CD109: variants seen among roughly 807,000 people sequenced by gnomAD.
CD109 encodes CD109 antigen.
CD109 carries 149 observed loss-of-function variants against 165.8 expected under a neutral mutation model. That is an observed-to-expected ratio of 0.90 (90% confidence interval 0.79 to 1.03). CD109 has a LOEUF of 1.03. Ranked by LOEUF, CD109 falls within the 50% of genes least tolerant of loss-of-function variation. The pLI is 0.00. For missense variants in CD109, 1,712 were observed against 1,677.8 expected, an observed-to-expected ratio of 1.02 and a Z score of -0.36; for synonymous variants, 585 against 592.1, an observed-to-expected ratio of 0.99 and a Z score of 0.18.
At chr6:73,778,302 A>T (rs949420597) in intron 15 of CD109, among the ~76,000 whole-genome samples, 1 of 152,142 alleles carries the variant, frequency 6.6e-6, no homozygotes, top group Admixed American at 6.6e-5. Context: ...GGCTGAGACT[A>T]TGGGGTTTTC....
At chr6:73,710,508 C>T (rs1284433344) in intron 2 of CD109, among the ~76,000 whole-genome samples, 2 of 152,056 alleles carry the variant, frequency 1.3e-5, no homozygotes, top group Non-Finnish European at 2.9e-5. Context: ...TTGAAAATGG[C>T]CATACTGCCC....
intron 6 of CD109, among the ~76,000 whole-genome samples, chr6:73,757,722 T>G (rs1176896551): frequency 1.3e-5 from 2 of 152,258 alleles, no homozygotes; most frequent in African/African-American, 2.4e-5. Context: ...TTTTTAAATT[T>G]TTATTATTTG....
chr6:73,712,101 T>TA (rs1288999473), intron 2 of CD109, among the ~76,000 whole-genome samples: 4 of 152,120 alleles, frequency 2.6e-5, no homozygotes, highest in South Asian at 2.1e-4. Context: ...TCCCAGCTAC[T>TA]GGGGGGCTGA....
At chr6:73,778,946 A>G (rs1288298982) in intron 15 of CD109, among the ~76,000 whole-genome samples, 5 of 152,060 alleles carry the variant, frequency 3.3e-5, no homozygotes, top group Non-Finnish European at 7.4e-5. Flanking sequence ...AAAATTTGCT[A>G]TTTTTACCAT....
Position 73,782,670 on chromosome 6 carries a change from G to C in CD109, c.2020G>C (p.Asp674His), listed in dbSNP as rs964331240. ...FMEENEGHIV[D>H]IHDFSLGSSP... Reference sequence around the variant, plus strand: ...GGAGGAAAATGAAGGACATATTGTAGATATTCATGACTTTTCTTTGGGTAG... The same window carrying C: ...GGAGGAAAATGAAGGACATATTGTACATATTCATGACTTTTCTTTGGGTAG... Residue 674 changes from aspartate to histidine, a missense_variant, in exon 18 of 33, where the codon GAT (aspartate) becomes CAT (histidine). By Grantham distance (81) the Asp-to-His change is moderately conservative (BLOSUM62 -1). Coordinates refer to ENST00000287097, the MANE Select transcript of CD109 (RefSeq NM_133493.5). 3 of 1,613,722 alleles carry C rather than the reference G, an allele frequency of 1.9e-6. No individual in the cohort carries two copies. Among genetic ancestry groups the C allele is most frequent in the Admixed American group, 3.3e-5 (2 of 59,992 alleles).
At chr6:73,711,360 G>A (rs989541236) in intron 2 of CD109, among the ~76,000 whole-genome samples, 2 of 152,008 alleles carry the variant, frequency 1.3e-5, no homozygotes, top group African/African-American at 4.8e-5. Context: ...GGAAATAAGA[G>A]AGAAAAATAT....
At chr6:73,780,859 T>C (rs1774462356) in intron 16 of CD109, among the ~76,000 whole-genome samples, 1 of 148,222 alleles carries the variant, frequency 6.7e-6, no homozygotes, top group African/African-American at 2.5e-5. Flanking sequence ...ATATATTTTA[T>C]ATATATTTCC....
intron 14 of CD109, among the ~76,000 whole-genome samples, chr6:73,771,038 G>A (rs56201021): frequency 0.11 from 16,587 of 152,102 alleles, 1,168 homozygotes; most frequent in Non-Finnish European, 0.16. Flanking sequence ...CTGAGCTCAC[G>A]TCACCAACAT....
At position 73,765,824 on chromosome 6, in the gene CD109, C is replaced by T. The variant is rs1311144719; in HGVS notation, c.1108-106C>T. On this transcript the variant is annotated intron_variant, in intron 10 of 32. Transcript: ENST00000287097. ...CTGAATCTGGATATTATAGTGCTAC[C>T]AATAATTTTTGAGAGTTCAATTTCA... 10 of 774,464 alleles carry T rather than the reference C, an allele frequency of 1.3e-5. No individual in the cohort carries two copies. In the South Asian group the frequency reaches 1.3e-4, roughly 10 times the overall value. 48.0% of individuals were successfully genotyped at this position (774,464 alleles called of 1,614,324 possible).
In CD109 at chr6:73,821,427, T is replaced by G. The variant is rs373390183; in HGVS notation, c.4162+864T>G. On this transcript the variant is annotated intron_variant, in intron 32 of 32. Coordinates refer to ENST00000287097, the MANE Select transcript of CD109 (RefSeq NM_133493.5). Reference sequence around the variant, plus strand: ...CAAAAAGCCACCTGCACTCATATGTTTATCACAGCACTAATTCACAATAGC... The same window carrying G: ...CAAAAAGCCACCTGCACTCATATGTGTATCACAGCACTAATTCACAATAGC... Among the ~76,000 whole-genome samples the G allele has an allele frequency of 3.8e-4, 58 of 152,300 alleles. 2 individuals are homozygous for G. The South Asian group carries it at 5.0e-3, about 13-fold the overall frequency.
chr6:73,744,944 C>T (rs1370287713), intron 5 of CD109, among the ~76,000 whole-genome samples: 1 of 152,160 alleles, frequency 6.6e-6, no homozygotes, highest in Non-Finnish European at 1.5e-5. Context: ...CGCCTAGATC[C>T]ATCTCCCCAC....
chr6:73,780,925 A>G (rs1774465673), intron 16 of CD109, among the ~76,000 whole-genome samples: 1 of 149,154 alleles, frequency 6.7e-6, no homozygotes, highest in Non-Finnish European at 1.5e-5. Context: ...TGTGTGTGTA[A>G]GACTGATGTG....
chr6:73,778,551 T>C (rs926953583), intron 15 of CD109, among the ~76,000 whole-genome samples: 4 of 152,222 alleles, frequency 2.6e-5, no homozygotes, highest in Non-Finnish European at 5.9e-5. Context: ...AATCTTCATG[T>C]ATTTGTATTT....
rs778584391 is a variant in CD109 at position 73,785,422 on chromosome 6, G to A, written c.2282G>A (p.Gly761Asp). The change falls in exon 20 of 33, where the codon GGT becomes GAT. Residue 761 changes from glycine to aspartate, a missense_variant. Transcript: ENST00000287097. The part of the protein sequence containing the change: ...FLNLPYSVIR[G>D]EEFALEITIF... ...AATCTTCCCTACTCTGTTATCAGAG[G>A]TGAAGAATTTGCTTTGGAAATAACT... is the stretch of plus-strand genomic sequence containing the variant. 4 of 1,608,510 alleles carry A rather than the reference G, an allele frequency of 2.5e-6. No individual in the cohort carries two copies. The highest frequency in any genetic ancestry group is 3.4e-6 in the Non-Finnish European group (4 of 1,177,554).
chr6:73,794,660 C>G (rs1186468014), intron 23 of CD109, among the ~76,000 whole-genome samples: 1 of 152,060 alleles, frequency 6.6e-6, no homozygotes, highest in Non-Finnish European at 1.5e-5. Flanking sequence ...CAAGGGAGAC[C>G]AGCGTTTAGA....
intron 4 of CD109, among the ~76,000 whole-genome samples, chr6:73,732,687 G>C (rs1772408487): frequency 6.6e-6 from 1 of 152,336 alleles, no homozygotes; most frequent in Non-Finnish European, 1.5e-5. Flanking sequence ...TAAATTGCCT[G>C]TTCTAGACAT....
chr6:73,814,138 T>G (rs552430539), intron 29 of CD109, among the ~76,000 whole-genome samples: 9 of 151,964 alleles, frequency 5.9e-5, no homozygotes, highest in Non-Finnish European at 7.4e-5. Flanking sequence ...CCATGAGGGG[T>G]ATTAGATGTT....
chr6:73,758,831 AT>A, intron 6 of CD109, 112 bp from the exon 7 acceptor site: 1 of 678,602 alleles, frequency 1.5e-6, no homozygotes, highest in Non-Finnish European at 2.6e-6. Flanking sequence ...CAACAATTTT[AT>A]TTTTCATTTT....
Position 73,785,746 on chromosome 6 carries a change from T to C in CD109, c.2337+269T>C, listed in dbSNP as rs1774663490. 2.6e-5 allele frequency among the ~76,000 whole-genome samples: 4 copies of C among 152,176 alleles called. No homozygotes were observed. The South Asian group carries it at 8.3e-4, about 32-fold the overall frequency. On this transcript the variant is annotated intron_variant, in intron 20 of 32. Coordinates refer to ENST00000287097, the MANE Select transcript of CD109 (RefSeq NM_133493.5). ...TAAGTTCCTTATTGTCTCTGAAGCA[T>C]GCCTTTCTCTTTCCTGCCTCCCTGC...
Sources: allele counts gnomAD v4.1 joint callset (sites outside exome capture counted in the v4.1 genomes callset), GRCh38; gene constraint gnomAD v4.1.1; transcripts MANE v1.5; gene names NCBI Gene and HGNC (gene_info 2026-07-23, HGNC 2026-07-21).